GNB5: variants seen among roughly 807,000 people sequenced by gnomAD.
The protein encoded by GNB5 is guanine nucleotide-binding protein subunit beta-5.
Under a neutral mutation model 55.3 loss-of-function variants are expected in GNB5, and 37 were observed. The observed-to-expected ratio is 0.67, with a 90% CI of 0.51 to 0.88. GNB5 has a LOEUF of 0.88. Among genes scored for constraint, GNB5 ranks in the 40% least tolerant of loss-of-function variants. The pLI is 0.00. For synonymous variants in GNB5, 219 were observed against 198.5 expected (o/e 1.10, Z -0.87); for missense variants, 476 against 515.3 (o/e 0.92, Z 0.74).
At chr15:52,137,817 C>G (rs536684586) in intron 7 of GNB5, 1 of 1,276,402 alleles carries the variant, frequency 7.8e-7, no homozygotes, top group East Asian at 5.6e-5. Flanking sequence ...AGGGGACCTG[C>G]AAGGGAGAAG....
At chr15:52,155,033 T>C (rs2141216206) in intron 3 of GNB5, among the ~76,000 whole-genome samples, 1 of 152,310 alleles carries the variant, frequency 6.6e-6, no homozygotes. Flanking sequence ...AGGCCCTTCA[T>C]CATGCAGGGG....
At chr15:52,171,691 A>T (rs1361038727) in intron 3 of GNB5, among the ~76,000 whole-genome samples, 1 of 152,254 alleles carries the variant, frequency 6.6e-6, no homozygotes, top group African/African-American at 2.4e-5. Flanking sequence ...TTAGAATATG[A>T]AAAAAGTCAA....
chr15:52,156,588 G>A (rs532575954), intron 3 of GNB5, among the ~76,000 whole-genome samples: 1 of 152,278 alleles, frequency 6.6e-6, no homozygotes, highest in African/African-American at 2.4e-5. Flanking sequence ...AAACTTGGCT[G>A]GATGTGGTGG....
intron 2 of GNB5, among the ~76,000 whole-genome samples, chr15:52,183,728 A>C (rs1332436996): frequency 1.3e-5 from 2 of 151,938 alleles, no homozygotes; most frequent in African/African-American, 4.8e-5. Context: ...TTTCAGGAGG[A>C]GTGCTTTACC....
chr15:52,151,121 G>T, intron 4 of GNB5, among the ~76,000 whole-genome samples: 1 of 152,204 alleles, frequency 6.6e-6, no homozygotes, highest in East Asian at 1.9e-4. Flanking sequence ...AAAGCACATT[G>T]GTTCTTCTGG....
chr15:52,133,859 T>C (rs1258265887), intron 8 of GNB5, among the ~76,000 whole-genome samples: 3 of 152,246 alleles, frequency 2.0e-5, no homozygotes, highest in Non-Finnish European at 4.4e-5. Flanking sequence ...CAGTGGTGTG[T>C]GGTGGGACCT....
chr15:52,141,379 T>C (rs2033850449), intron 6 of GNB5, 107 bp from the exon 7 acceptor site: 1 of 865,202 alleles, frequency 1.2e-6, no homozygotes, highest in Non-Finnish European at 1.8e-6. Context: ...AGCAGTATCA[T>C]ATATTGTACC....
At chr15:52,170,416 C>T in intron 3 of GNB5, among the ~76,000 whole-genome samples, 1 of 152,128 alleles carries the variant, frequency 6.6e-6, no homozygotes, top group East Asian at 1.9e-4. Context: ...TTTGCAGGGA[C>T]ATGGAAGCCA....
Position 52,122,728 on chromosome 15 carries a change from G to T in GNB5, c.*29C>A, listed in dbSNP as rs1467396735. On this transcript the variant is annotated 3_prime_UTR_variant, in exon 13 of 13. Coordinates refer to ENST00000261837, the MANE Select transcript of GNB5 (RefSeq NM_016194.4). Reference sequence around the variant, plus strand: ...ACATGTGAAGATTTCAAATTCTCAGGTATACATGAGTGCACTGTCAGAAGA... The same window carrying T: ...ACATGTGAAGATTTCAAATTCTCAGTTATACATGAGTGCACTGTCAGAAGA... The T allele has an allele frequency of 6.5e-7, 1 of 1,546,124 alleles. No homozygotes were observed. The highest frequency in any genetic ancestry group is 8.9e-7 in the Non-Finnish European group (1 of 1,117,978).
Position 52,124,357 on chromosome 15 carries a change from C to T in GNB5, c.1176+116G>A, listed in dbSNP as rs117055290. 0.023 allele frequency: 17,875 copies of T among 763,066 alleles called. 268 individuals carry two copies. The highest frequency in any genetic ancestry group is 0.03 in the Non-Finnish European group (13,928 of 468,012). The allele number at this position is 763,066 out of a possible 1,614,324, so 47.3% of individuals were successfully genotyped here. A position where few individuals can be genotyped will look rare whatever the true frequency, so the allele number is the denominator to read the frequency against. Reference sequence around the variant, plus strand: ...GGGCAGAGTGGAAATGAGAGCTCGGCGAGGCTGACCAGGCCCACCTGAGCT... The same window carrying T: ...GGGCAGAGTGGAAATGAGAGCTCGGTGAGGCTGACCAGGCCCACCTGAGCT... On this transcript the variant is annotated intron_variant, in intron 12 of 12. Coordinates refer to ENST00000261837, the MANE Select transcript of GNB5 (RefSeq NM_016194.4).
At chr15:52,131,877 C>G (rs571647179) in intron 9 of GNB5, among the ~76,000 whole-genome samples, 1 of 152,292 alleles carries the variant, frequency 6.6e-6, no homozygotes, top group South Asian at 2.1e-4. Flanking sequence ...AAGTCCTGAC[C>G]TCTCTCTTGG....
chr15:52,158,606 C>T (rs949987706), intron 3 of GNB5, among the ~76,000 whole-genome samples: 4 of 152,040 alleles, frequency 2.6e-5, no homozygotes, highest in African/African-American at 7.3e-5. Context: ...GAGGCACACA[C>T]AGGGTTTCAG....
chr15:52,125,701 T>C (rs1446388046), intron 11 of GNB5: 2 of 364,676 alleles, frequency 5.5e-6, no homozygotes, highest in East Asian at 4.4e-5. Flanking sequence ...TGACACTTCA[T>C]TGCCTTGAAG....
intron 5 of GNB5, 23 bp downstream of exon 5, chr15:52,149,861 C>G (rs757290074): frequency 6.3e-7 from 1 of 1,583,246 alleles, no homozygotes. Context: ...GCCTCTATAA[C>G]GTGGCTGGGA....
At chr15:52,152,030 G>C (rs1480253775) in intron 4 of GNB5, among the ~76,000 whole-genome samples, 1 of 151,564 alleles carries the variant, frequency 6.6e-6, no homozygotes, top group Non-Finnish European at 1.5e-5. Context: ...GTTTTTATTT[G>C]TTTGTTTCTT....
intron 4 of GNB5, among the ~76,000 whole-genome samples, chr15:52,150,811 T>C (rs1234169399): frequency 1.3e-5 from 2 of 152,236 alleles, no homozygotes; most frequent in East Asian, 1.9e-4. Context: ...GACCATGGCA[T>C]GCAGGTTGCT....
chr15:52,144,248 C>T (rs1225432683), intron 6 of GNB5: 8 of 152,264 alleles, frequency 5.3e-5, no homozygotes, highest in African/African-American at 1.9e-4. Flanking sequence ...GCATCATTTC[C>T]TAAACTACTG....
chr15:52,178,261 C>T (rs2034691480), intron 3 of GNB5, among the ~76,000 whole-genome samples: 1 of 152,182 alleles, frequency 6.6e-6, no homozygotes, highest in South Asian at 2.1e-4. Flanking sequence ...GCCTCAGTTT[C>T]CTCATCTGTC....
chr15:52,149,676 T>C (rs2034049419), intron 5 of GNB5: 3 of 640,524 alleles, frequency 4.7e-6, no homozygotes, highest in Non-Finnish European at 8.5e-6. Context: ...AATTGTCCTC[T>C]TGGGGCGAGA....
Sources: gnomAD v4.1 joint callset for allele counts (sites outside exome capture counted in the v4.1 genomes callset) on GRCh38, gnomAD v4.1.1 for gene constraint, MANE v1.5 for transcripts, NCBI Gene and HGNC (gene_info 2026-07-23, HGNC 2026-07-21) for gene names.